RAD51B: variants seen among roughly 807,000 people sequenced by gnomAD.
RAD51B encodes RAD51 paralog B, also known as DNA repair protein RAD51 homolog 2.
Under a neutral mutation model 42.2 loss-of-function variants are expected in RAD51B, and 38 were observed. That is an observed-to-expected ratio of 0.90 (90% CI 0.70 to 1.18). The LOEUF is 1.18. RAD51B is among the 50% of genes most tolerant of loss of function. The pLI is 0.00. For missense variants in RAD51B, 373 were observed against 400.7 expected, an observed-to-expected ratio of 0.93 and a Z score of 0.59; for synonymous variants, 154 against 145.2, an observed-to-expected ratio of 1.06 and a Z score of -0.43.
chr14:68,084,020 C>T (rs953917726), intron 7 of RAD51B, among the ~76,000 whole-genome samples: 2 of 152,008 alleles, frequency 1.3e-5, no homozygotes, highest in South Asian at 2.1e-4. Context: ...TGAGTGTGTA[C>T]GTGTGTGCAT....
rs1347330872 is a variant in RAD51B, at chr14:68,213,572, C to A, written c.757-78312C>A. On this transcript the variant is annotated intron_variant, in intron 7 of 10. Transcript: ENST00000471583. The stretch of plus-strand genomic sequence containing the variant: ...AAGTAATAAGGAAAAGATTTAGGGA[C>A]ATTAGTTGGTGGGAAACTCAATGTG... 1.3e-5 allele frequency among the ~76,000 whole-genome samples: 2 copies of A among 152,130 alleles called. 1 individual carries two copies. Among genetic ancestry groups the A allele is most frequent in the Non-Finnish European group, 2.9e-5 (2 of 68,018 alleles).
At chr14:68,077,941 C>CA (rs1393872703) in intron 7 of RAD51B, among the ~76,000 whole-genome samples, 1 of 152,262 alleles carries the variant, frequency 6.6e-6, no homozygotes, top group East Asian at 1.9e-4. Context: ...GGGTGACAGT[C>CA]AGACTCCATC....
chr14:68,456,305 T>A (rs187230109), intron 9 of RAD51B, among the ~76,000 whole-genome samples: 1,917 of 152,254 alleles, frequency 0.013, 41 homozygotes, highest in African/African-American at 0.043. Flanking sequence ...TAATTTTTTT[T>A]AAAAACAACA....
chr14:68,212,636 T>C (rs1056339769), intron 7 of RAD51B, among the ~76,000 whole-genome samples: 2 of 152,204 alleles, frequency 1.3e-5, no homozygotes, highest in Admixed American at 6.5e-5. Flanking sequence ...TTTGGTGTCA[T>C]AGTAATGGAA....
intron 5 of RAD51B, among the ~76,000 whole-genome samples, chr14:67,872,635 A>G (rs1169543775): frequency 3.9e-4 from 60 of 151,984 alleles, no homozygotes; most frequent in African/African-American, 1.3e-3. Flanking sequence ...CGCCAAGTCA[A>G]TCCTGAGCCA....
At chr14:67,876,658 A>G (rs1378906517) in intron 5 of RAD51B, among the ~76,000 whole-genome samples, 1 of 152,190 alleles carries the variant, frequency 6.6e-6, no homozygotes, top group Non-Finnish European at 1.5e-5. Context: ...ACTTCTAACC[A>G]TTTTCTGAGG....
intron 10 of RAD51B, among the ~76,000 whole-genome samples, chr14:68,623,675 TC>T (rs1445850037): frequency 1.3e-5 from 2 of 152,320 alleles, no homozygotes; most frequent in African/African-American, 4.8e-5. Flanking sequence ...AATAAGCCAA[TC>T]ATTCCCTTGC....
intron 7 of RAD51B, among the ~76,000 whole-genome samples, chr14:67,992,151 G>A (rs1202288099): frequency 1.3e-5 from 2 of 152,134 alleles, no homozygotes; most frequent in African/African-American, 4.8e-5. Flanking sequence ...CAGTCTGAGA[G>A]TGATAAGCTT....
chr14:68,166,418 A>G (rs1367787371), intron 7 of RAD51B, among the ~76,000 whole-genome samples: 3 of 152,038 alleles, frequency 2.0e-5, no homozygotes, highest in African/African-American at 7.2e-5. Flanking sequence ...TATTTGCCAA[A>G]TTTAACTCTT....
chr14:67,904,197 A>C (rs558136578), intron 7 of RAD51B, among the ~76,000 whole-genome samples: 29 of 152,148 alleles, frequency 1.9e-4, no homozygotes, highest in Non-Finnish European at 2.9e-4. Context: ...GCTATTGTGA[A>C]TAGTGCTGTG....
At chr14:68,224,908 G>A (rs1011884028) in intron 7 of RAD51B, among the ~76,000 whole-genome samples, 1 of 151,996 alleles carries the variant, frequency 6.6e-6, no homozygotes, top group Non-Finnish European at 1.5e-5. Context: ...GACCAGGCTG[G>A]TCTTGAACTC....
chr14:68,178,744 A>T (rs2079006053), intron 7 of RAD51B, among the ~76,000 whole-genome samples: 2 of 152,286 alleles, frequency 1.3e-5, no homozygotes, highest in Admixed American at 1.3e-4. Flanking sequence ...TCAGTAAAGC[A>T]CCATTAGAAT....
intron 7 of RAD51B, among the ~76,000 whole-genome samples, chr14:68,235,458 A>G (rs2080229429): frequency 6.6e-6 from 1 of 151,754 alleles, no homozygotes; most frequent in African/African-American, 2.4e-5. Context: ...TAATCCCAGC[A>G]CTTTGGGAGG....
chr14:68,289,018 A>G lies in RAD51B; in HGVS notation c.757-2866A>G, dbSNP rs191851733. Among the ~76,000 whole-genome samples, 255 of 152,310 alleles carry G rather than the reference A, an allele frequency of 1.7e-3. 1 individual carries two copies. Among genetic ancestry groups the G allele is most frequent in the African/African-American group, 5.8e-3 (243 of 41,564 alleles). ...AAATGACTATATTTTTCTTACTAAGATTTTTACACAAATTCTTTGCAATTA... is the reference window on the plus strand; with the variant it reads ...AAATGACTATATTTTTCTTACTAAGGTTTTTACACAAATTCTTTGCAATTA... On this transcript the variant is annotated intron_variant, in intron 7 of 10. Transcript: ENST00000471583.
intron 9 of RAD51B, among the ~76,000 whole-genome samples, chr14:68,432,182 A>G (rs1031982366): frequency 3.3e-5 from 5 of 152,182 alleles, no homozygotes; most frequent in African/African-American, 9.7e-5. Flanking sequence ...TATGTGGTCA[A>G]TTTTGGAATA....
At chr14:68,406,718 A>G (rs2084285053) in intron 8 of RAD51B, among the ~76,000 whole-genome samples, 1 of 152,212 alleles carries the variant, frequency 6.6e-6, no homozygotes, top group South Asian at 2.1e-4. Context: ...TACTTCATAA[A>G]TGTTTTAATT....
intron 7 of RAD51B, among the ~76,000 whole-genome samples, chr14:68,184,236 TA>T (rs36056736): frequency 6.6e-6 from 1 of 152,138 alleles, no homozygotes; most frequent in Admixed American, 6.5e-5. Context: ...TGAGATTTTT[TA>T]AAAAAAGTTA....
chr14:67,877,815 A>G (rs964707798), intron 5 of RAD51B, among the ~76,000 whole-genome samples: 5 of 152,130 alleles, frequency 3.3e-5, no homozygotes, highest in African/African-American at 7.2e-5. Flanking sequence ...GACGTGTGCT[A>G]CCACGCCTGG....
intron 9 of RAD51B, among the ~76,000 whole-genome samples, chr14:68,423,473 T>C (rs2084759768): frequency 6.6e-6 from 1 of 152,230 alleles, no homozygotes; most frequent in Non-Finnish European, 1.5e-5. Context: ...TTACTAGATA[T>C]ACTTTACAAT....
Sources: allele counts gnomAD v4.1 joint callset (sites outside exome capture counted in the v4.1 genomes callset), GRCh38; gene constraint gnomAD v4.1.1; transcripts MANE v1.5; gene names NCBI Gene and HGNC (gene_info 2026-07-23, HGNC 2026-07-21).